The following RAD51B variants were observed in gnomAD, a reference collection of about 807,000 sequenced individuals.
The protein encoded by RAD51B is DNA repair protein RAD51 homolog 2.
Under a neutral mutation model 42.2 loss-of-function variants are expected in RAD51B, and 38 were observed. That is an observed-to-expected ratio of 0.90 (90% CI 0.70 to 1.18). The LOEUF is 1.18. RAD51B is among the 50% of genes most tolerant of loss of function. The probability of loss-of-function intolerance (pLI) is 0.00; values close to 1 mark genes in which losing one functional copy is unlikely to be tolerated. For missense variants in RAD51B, 373 were observed against 400.7 expected (o/e 0.93, Z 0.59); for synonymous variants, 154 against 145.2 (o/e 1.06, Z -0.43).
In RAD51B at chr14:67,971,072, C is replaced by T. The variant is rs185027440; in HGVS notation, c.756+83868C>T. ...ATATTTCACTAAGTATTTATAAACACGTATGAAACTCGTTCTAAGTATAAC... is the reference window on the plus strand; with the variant it reads ...ATATTTCACTAAGTATTTATAAACATGTATGAAACTCGTTCTAAGTATAAC... On this transcript the variant is annotated intron_variant, in intron 7 of 10. Coordinates refer to ENST00000471583, the MANE Select transcript of RAD51B (RefSeq NM_133510.4). Among the ~76,000 whole-genome samples, 14 of 152,136 alleles carry T rather than the reference C, an allele frequency of 9.2e-5. No individual in the cohort carries two copies. In the South Asian group the frequency reaches 1.0e-3, roughly 11 times the overall value.
intron 7 of RAD51B, among the ~76,000 whole-genome samples, chr14:67,960,597 T>A (rs1040742743): frequency 8.5e-5 from 13 of 152,358 alleles, no homozygotes; most frequent in African/African-American, 3.1e-4. Flanking sequence ...TAAATATATT[T>A]GCAAGAACAC....
chr14:68,077,978 G>A (rs574152498), intron 7 of RAD51B, among the ~76,000 whole-genome samples: 1 of 152,088 alleles, frequency 6.6e-6, no homozygotes, highest in African/African-American at 2.4e-5. Context: ...TAAAAAATGT[G>A]TGCTTGTTCT....
At chr14:67,938,829 T>C (rs530715843) in intron 7 of RAD51B, among the ~76,000 whole-genome samples, 1 of 152,348 alleles carries the variant, frequency 6.6e-6, no homozygotes, top group African/African-American at 2.4e-5. Flanking sequence ...ACAATTTCAT[T>C]GCTACCTAAG....
chr14:68,175,217 A>AGAAGGAAAAAAGAAATCATG (rs2078941843), intron 7 of RAD51B, among the ~76,000 whole-genome samples: 1 of 152,212 alleles, frequency 6.6e-6, no homozygotes, highest in Admixed American at 6.5e-5. Flanking sequence ...GCTGGCATGA[A>AGAAGGAAAAAAGAAATCATG]GAAGGAAAAA....
chr14:68,001,282 C>T (rs955782910), intron 7 of RAD51B, among the ~76,000 whole-genome samples: 1 of 152,062 alleles, frequency 6.6e-6, no homozygotes, highest in African/African-American at 2.4e-5. Flanking sequence ...CCTCATACTT[C>T]TTTATTCTTG....
chr14:68,447,878 CAAA>C (rs2085459230), intron 9 of RAD51B, among the ~76,000 whole-genome samples: 1 of 152,104 alleles, frequency 6.6e-6, no homozygotes, highest in African/African-American at 2.4e-5. Flanking sequence ...AAAGTGGCAT[CAAA>C]TAAGTAACTA....
intron 7 of RAD51B, among the ~76,000 whole-genome samples, chr14:67,926,177 C>T (rs963038065): frequency 7.9e-5 from 12 of 152,164 alleles, no homozygotes; most frequent in Non-Finnish European, 1.3e-4. Context: ...TCTTTTCTAT[C>T]GCATTGCCAG....
intron 8 of RAD51B, among the ~76,000 whole-genome samples, chr14:68,295,860 G>C (rs2081604023): frequency 6.6e-6 from 1 of 152,114 alleles, no homozygotes; most frequent in African/African-American, 2.4e-5. Context: ...ATCTATTACA[G>C]GACAGGGTAG....
At chr14:68,363,741 G>T (rs2083081288) in intron 8 of RAD51B, among the ~76,000 whole-genome samples, 1 of 152,220 alleles carries the variant, frequency 6.6e-6, no homozygotes, top group Non-Finnish European at 1.5e-5. Context: ...CGGGGAGTGG[G>T]AGTGTGTGTG....
intron 8 of RAD51B, among the ~76,000 whole-genome samples, chr14:68,409,144 C>G (rs544934448): frequency 6.6e-6 from 1 of 152,168 alleles, no homozygotes; most frequent in South Asian, 2.1e-4. Context: ...GAACTGTACA[C>G]TTGAAATTGG....
intron 7 of RAD51B, among the ~76,000 whole-genome samples, chr14:68,157,144 C>T (rs1481572150): frequency 6.6e-6 from 1 of 152,142 alleles, no homozygotes; most frequent in African/African-American, 2.4e-5. Context: ...CAGCAGTGAA[C>T]CATGATTACA....
intron 8 of RAD51B, among the ~76,000 whole-genome samples, chr14:68,355,433 G>A (rs2139889029): frequency 6.6e-6 from 1 of 152,274 alleles, no homozygotes; most frequent in East Asian, 1.9e-4. Flanking sequence ...TGGAACTGGG[G>A]TTTTGGGTCT....
chr14:67,859,366 G>C (rs1291127117), intron 4 of RAD51B, among the ~76,000 whole-genome samples: 2 of 152,198 alleles, frequency 1.3e-5, no homozygotes, highest in East Asian at 3.8e-4. Context: ...CACATGTATA[G>C]GTCAGAGCGG....
chr14:67,887,037 G>T lies in RAD51B; in HGVS notation c.589G>T (p.Glu197Ter). ...EVLQRIESLE[E>*]EIISKGIKLV... ...CTTTTATAGGATTGAATCTTTGGAAGAAGAAATTATCTCAAAAGGAATTAA... is the reference window on the plus strand; with the variant it reads ...CTTTTATAGGATTGAATCTTTGGAATAAGAAATTATCTCAAAAGGAATTAA... The change falls in exon 7 of 11, where the codon GAA (glutamate) becomes TAA (stop). Residue 197 changes from glutamate (E) to a stop codon, truncating the protein, a stop_gained. Coordinates refer to ENST00000471583, the MANE Select transcript of RAD51B (RefSeq NM_133510.4). LOFTEE classifies it high-confidence loss of function. 1 of 1,509,590 alleles carries T rather than the reference G, an allele frequency of 6.6e-7. No individual in the cohort carries two copies. Among genetic ancestry groups the T allele is most frequent in the African/African-American group, 1.4e-5 (1 of 71,438 alleles). 93.5% of individuals were successfully genotyped at this position (1,509,590 alleles called of 1,614,324 possible). A position where few individuals can be genotyped will look rare whatever the true frequency, so the allele number is the denominator to read the frequency against.
At chr14:68,176,544 G>C (rs189151113) in intron 7 of RAD51B, among the ~76,000 whole-genome samples, 1 of 152,258 alleles carries the variant, frequency 6.6e-6, no homozygotes, top group Non-Finnish European at 1.5e-5. Context: ...TCTCTATGAG[G>C]AAATGAGGAT....
At chr14:67,997,544 T>C (rs1233622228) in intron 7 of RAD51B, among the ~76,000 whole-genome samples, 1 of 152,228 alleles carries the variant, frequency 6.6e-6, no homozygotes, top group Non-Finnish European at 1.5e-5. Flanking sequence ...ACCTCATCTT[T>C]TTCCTATTGT....
intron 7 of RAD51B, among the ~76,000 whole-genome samples, chr14:67,899,332 A>G (rs561102184): frequency 6.6e-6 from 1 of 151,934 alleles, no homozygotes; most frequent in Non-Finnish European, 1.5e-5. Context: ...TACAGGTGTG[A>G]GCCACCACAC....
intron 7 of RAD51B, among the ~76,000 whole-genome samples, chr14:67,986,222 A>C (rs146985229): frequency 6.6e-6 from 1 of 152,368 alleles, no homozygotes; most frequent in East Asian, 1.9e-4. Flanking sequence ...CCTATGATTC[A>C]AATTAAAAAT....
intron 7 of RAD51B, among the ~76,000 whole-genome samples, chr14:68,267,840 A>G (rs1458945392): frequency 2.6e-5 from 4 of 152,234 alleles, no homozygotes; most frequent in African/African-American, 9.6e-5. Context: ...ATGCTCTGTC[A>G]TAATTAAACA....
Sources: allele counts gnomAD v4.1 joint callset (sites outside exome capture counted in the v4.1 genomes callset), GRCh38; gene constraint gnomAD v4.1.1; transcripts MANE v1.5; gene names NCBI Gene and HGNC (gene_info 2026-07-23, HGNC 2026-07-21).